The following ARHGEF2 variants were observed in gnomAD, a reference collection of about 807,000 sequenced individuals.
The protein encoded by ARHGEF2 is Rho/Rac guanine nucleotide exchange factor 2.
Under a neutral mutation model 121.0 loss-of-function variants are expected in ARHGEF2, and 22 were observed. The ratio of observed to expected loss-of-function variants is 0.18; its 90% CI spans 0.13 to 0.26. The LOEUF (loss-of-function observed/expected upper bound fraction) is 0.26, where lower values mean the gene tolerates loss of function less well. Among genes scored for constraint, ARHGEF2 ranks in the 10% least tolerant of loss-of-function variants. The pLI is 1.00. For synonymous variants in ARHGEF2, 487 were observed against 530.0 expected (o/e 0.92, Z 1.11); for missense variants, 907 against 1,336.0 (o/e 0.68, Z 5.01).
chr1:155,978,522 G>T lies in ARHGEF2; in HGVS notation c.-95C>A, dbSNP rs1681760623. On this transcript the variant is annotated 5_prime_UTR_variant, in exon 1 of 22. Transcript: ENST00000361247. This position sits in a 1 kb window ranked among gnomAD's most constrained non-coding sequence, Gnocchi z 4.1. Reference sequence around the variant, plus strand: ...GGGAGGGGTTCGGCCCGCACGCGTTGGTCTCGGGGACAGGAAGTCTGACTC... The same window carrying T: ...GGGAGGGGTTCGGCCCGCACGCGTTTGTCTCGGGGACAGGAAGTCTGACTC... 8.5e-6 allele frequency: 11 copies of T among 1,297,268 alleles called. No homozygotes were observed. The highest frequency in any genetic ancestry group is 9.9e-6 in the Non-Finnish European group (10 of 1,012,544). 80.4% of individuals were successfully genotyped at this position (1,297,268 alleles called of 1,614,324 possible).
At position 155,978,172 on chromosome 1, in the gene ARHGEF2, G is replaced by T; in HGVS notation, c.63+193C>A. The T allele has an allele frequency of 7.7e-7, 1 of 1,296,882 alleles. No homozygotes were observed. The highest frequency in any genetic ancestry group is 3.5e-5 in the Admixed American group (1 of 28,888). The allele number at this position is 1,296,882 out of a possible 1,614,324, so 80.3% of individuals were successfully genotyped here. On this transcript the variant is annotated intron_variant, in intron 1 of 21. Coordinates refer to ENST00000361247, the MANE Select transcript of ARHGEF2 (RefSeq NM_001162383.2). The surrounding 1 kb of genome is among the most constrained non-coding windows in gnomAD (Gnocchi z 4.1). ...CCTCCCGGGATCCCAGCACCGTCGC[G>T]TCTGCCGCTCCCCCCACCCCTACCC...
chr1:155,957,509 G>A (rs1236439742), intron 13 of ARHGEF2, among the ~76,000 whole-genome samples: 3 of 152,214 alleles, frequency 2.0e-5, no homozygotes. Context: ...AAAGGGAGTT[G>A]AGGTTGGCAA....
rs1360344422 is a variant in ARHGEF2, at chr1:155,956,929, TG to T, written c.1715+783del. Among the ~76,000 whole-genome samples, 4 of 133,544 alleles carry T rather than the reference TG, an allele frequency of 3.0e-5. No homozygotes were observed. The East Asian group carries it at 8.6e-4, about 29-fold the overall frequency. The allele number at this position is 133,544 out of a possible 152,430, so 87.6% of individuals were successfully genotyped here. A position where few individuals can be genotyped will look rare whatever the true frequency, so the allele number is the denominator to read the frequency against. Reference sequence around the variant, plus strand: ...AAAAAAAATTTGCCTGGGGTCGTGGTGGGCACCTGTAGTCCCAGCTATTTGG... The same window carrying T: ...AAAAAAAATTTGCCTGGGGTCGTGGTGGCACCTGTAGTCCCAGCTATTTGG... On this transcript the variant is annotated intron_variant, in intron 13 of 21. Transcript: ENST00000361247.
Position 155,951,672 on chromosome 1 carries a change from C to T in ARHGEF2, c.2208+69G>A. 1 of 1,611,418 alleles carries T rather than the reference C, an allele frequency of 6.2e-7. No homozygotes were observed. Among genetic ancestry groups the T allele is most frequent in the Non-Finnish European group, 8.5e-7 (1 of 1,177,644 alleles). Reference sequence around the variant, plus strand: ...GACGCTTTCCCCACCCCACTCCAAACTGGGCTCTAACTACTCAGACTAAGA... The same window carrying T: ...GACGCTTTCCCCACCCCACTCCAAATTGGGCTCTAACTACTCAGACTAAGA... On this transcript the variant is annotated intron_variant, in intron 18 of 21. Coordinates refer to ENST00000361247, the MANE Select transcript of ARHGEF2 (RefSeq NM_001162383.2). This position sits in a 1 kb window ranked among gnomAD's most constrained non-coding sequence, Gnocchi z 5.1.
chr1:155,976,050 G>A (rs1292992745), intron 1 of ARHGEF2, among the ~76,000 whole-genome samples: 1 of 151,928 alleles, frequency 6.6e-6, no homozygotes, highest in Non-Finnish European at 1.5e-5. Flanking sequence ...AGAGAAAGGG[G>A]CAGGTTAAAC....
chr1:155,965,907 C>T lies in ARHGEF2; in HGVS notation c.341-147G>A, dbSNP rs916057360. 3 of 1,022,554 alleles carry T rather than the reference C, an allele frequency of 2.9e-6. No homozygotes were observed. Among genetic ancestry groups the T allele is most frequent in the African/African-American group, 3.3e-5 (2 of 60,690 alleles). The allele number at this position is 1,022,554 out of a possible 1,614,324, so 63.3% of individuals were successfully genotyped here. ...AAGAAAGATGGTAATGAGAATGCCA[C>T]CTTACATTTGTGCCATACTCTAATG... On this transcript the variant is annotated intron_variant, in intron 4 of 21. Transcript: ENST00000361247. This position sits in a 1 kb window ranked among gnomAD's most constrained non-coding sequence, Gnocchi z 6.0.
intron 3 of ARHGEF2, 79 bp downstream of exon 3, chr1:155,966,741 G>A: frequency 2.8e-6 from 4 of 1,409,364 alleles, no homozygotes; most frequent in South Asian, 1.2e-5. Context: ...CACAGGGTAG[G>A]GAATGAATGG....
In ARHGEF2 at chr1:155,947,928, G is replaced by C. The variant is rs1415937056; in HGVS notation, c.*14C>G. ...GTTCTTCAGTGGGGCACGGGGCAGG[G>C]GGGAGGGGCCCCCTTAGCTCTCGGA... On this transcript the variant is annotated 3_prime_UTR_variant, in exon 22 of 22. Transcript: ENST00000361247. 1.3e-6 allele frequency: 2 copies of C among 1,541,932 alleles called. No individual in the cohort carries two copies. Among genetic ancestry groups the C allele is most frequent in the Non-Finnish European group, 1.8e-6 (2 of 1,139,474 alleles).
intron 14 of ARHGEF2, among the ~76,000 whole-genome samples, chr1:155,953,235 C>T (rs1347133357): frequency 6.9e-6 from 1 of 145,436 alleles, no homozygotes; most frequent in Non-Finnish European, 1.5e-5. Context: ...CACTGCACTC[C>T]AGCCTGGGCG....
At position 155,961,314 on chromosome 1, in the gene ARHGEF2, A is replaced by G. The variant is rs1183968858; in HGVS notation, c.1468+347T>C. ...TTTTGAGATGGAGTCTTGCTGTGTC[A>G]CCCAGGCTAGAGTGCAGTGGTGCAA... is the stretch of plus-strand genomic sequence containing the variant. On this transcript the variant is annotated intron_variant, in intron 11 of 21. Transcript: ENST00000361247. This position sits in a 1 kb window ranked among gnomAD's most constrained non-coding sequence, Gnocchi z 4.7. Among the ~76,000 whole-genome samples the G allele has an allele frequency of 1.5e-5, 2 of 136,172 alleles. No individual in the cohort carries two copies. Among genetic ancestry groups the G allele is most frequent in the African/African-American group, 5.6e-5 (2 of 35,792 alleles). 89.3% of individuals were successfully genotyped at this position (136,172 alleles called of 152,430 possible).
chr1:155,964,892 CAAAAAAAAAAAA>C, intron 7 of ARHGEF2, 84 bp downstream of exon 7: 1 of 1,117,984 alleles, frequency 8.9e-7, no homozygotes, highest in Middle Eastern at 3.1e-4. Context: ...GACTCCATCT[CAAAAAAAAAAAA>C]AAAAAGAAAA....
chr1:155,968,894 G>A, intron 2 of ARHGEF2: 2 of 444,014 alleles, frequency 4.5e-6, no homozygotes, highest in Non-Finnish European at 8.1e-6. Context: ...GGTGCCTGGT[G>A]GATGACAGCT....
rs760640112 is a variant in ARHGEF2, at chr1:155,961,809, G to C, written c.1320C>G (p.Ala440=). 61 of 1,613,844 alleles carry C rather than the reference G, an allele frequency of 3.8e-5. No homozygotes were observed. Among genetic ancestry groups the C allele is most frequent in the Non-Finnish European group, 4.7e-5 (56 of 1,179,978 alleles). Residue 440 remains alanine, a synonymous_variant, in exon 11 of 22, where the codon GCC becomes GCG. Transcript: ENST00000361247. The surrounding 1 kb of genome is among the most constrained non-coding windows in gnomAD (Gnocchi z 4.7). Reference sequence around the variant, plus strand: ...TGCGGTTGTAGATCTCCTGCAGACGGGCCCCTTTCTCCAGCTGATAAATAC... The same window carrying C: ...TGCGGTTGTAGATCTCCTGCAGACGCGCCCCTTTCTCCAGCTGATAAATAC... ...DEGIYQLEKG[A]RLQEIYNRMD...
At chr1:155,969,633 C>A in intron 1 of ARHGEF2, 1 of 1,156,756 alleles carries the variant, frequency 8.6e-7, no homozygotes, top group Non-Finnish European at 1.1e-6. Context: ...TCTGCTCACC[C>A]CCGAGCTGCT....
chr1:155,963,226 C>T (rs1284518340), intron 7 of ARHGEF2, 43 bp from the exon 8 acceptor site: 1 of 1,589,702 alleles, frequency 6.3e-7, no homozygotes, highest in East Asian at 2.2e-5. Flanking sequence ...CCTGGCTTGG[C>T]TAAAACTCGT....
intron 1 of ARHGEF2, chr1:155,972,388 C>A (rs1221351661): frequency 3.4e-5 from 15 of 440,276 alleles, no homozygotes; most frequent in Middle Eastern, 3.3e-4. Flanking sequence ...CCGGAGGTTG[C>A]CTGTGCCCGC....
In ARHGEF2 at chr1:155,948,032, C is replaced by A. The variant is rs1674671093; in HGVS notation, c.2888-17G>T. ...TGGTAAAGTCTGAAGGGGGACAGGA[C>A]AAAGCCAGTGAGTTAGCAGAGACTC... is the stretch of plus-strand genomic sequence containing the variant. On this transcript the variant is annotated splice_polypyrimidine_tract_variant and intron_variant, in intron 21 of 21. Coordinates refer to ENST00000361247, the MANE Select transcript of ARHGEF2 (RefSeq NM_001162383.2). 2 of 1,549,036 alleles carry A rather than the reference C, an allele frequency of 1.3e-6. No homozygotes were observed. The highest frequency in any genetic ancestry group is 2.7e-5 in the African/African-American group (2 of 72,968).
chr1:155,966,058 T>G (rs752770606), intron 4 of ARHGEF2, among the ~76,000 whole-genome samples: 26 of 152,188 alleles, frequency 1.7e-4, no homozygotes, highest in Admixed American at 9.2e-4. Context: ...ACTGAGGCTC[T>G]GCTCTTTATA....
chr1:155,949,959 A>G (rs1217065901), intron 21 of ARHGEF2, among the ~76,000 whole-genome samples: 1 of 152,166 alleles, frequency 6.6e-6, no homozygotes, highest in Non-Finnish European at 1.5e-5. Flanking sequence ...GGTGGGTCTC[A>G]CTATGTTGCC....
Sources: gnomAD v4.1 joint callset for allele counts (sites outside exome capture counted in the v4.1 genomes callset) on GRCh38, gnomAD v4.1.1 for gene constraint, Gnocchi (gnomAD v3.1) non-coding constraint, MANE v1.5 for transcripts, NCBI Gene and HGNC (gene_info 2026-07-23, HGNC 2026-07-21) for gene names.